Variants in DRC9 observed in about 807,000 individuals in gnomAD.
DRC9 encodes dynein regulatory complex protein 9.
the DRC9 span, among the ~76,000 whole-genome samples, chr3:197,942,868 G>A: frequency 1.3e-5 from 2 of 149,900 alleles, no homozygotes; most frequent in Non-Finnish European, 3.0e-5. Context: ...AGACACTCCT[G>A]GGCAACAAGA....
the DRC9 span, chr3:197,892,556 C>A: frequency 6.8e-7 from 1 of 1,467,348 alleles, no homozygotes; most frequent in Non-Finnish European, 9.3e-7. Flanking sequence ...CTAATTCCTT[C>A]CACTCCCTCC....
chr3:197,955,571 T>C, the DRC9 span, among the ~76,000 whole-genome samples: 1,560 of 152,232 alleles, frequency 0.01, 13 homozygotes, highest in Non-Finnish European at 0.017. Flanking sequence ...CAGTACATGT[T>C]TTTTATGAGT....
chr3:197,917,555 A>T, the DRC9 span, among the ~76,000 whole-genome samples: 1 of 152,190 alleles, frequency 6.6e-6, no homozygotes, highest in African/African-American at 2.4e-5. Context: ...ACTGGACCTC[A>T]CTAAGCCTAT....
the DRC9 span, chr3:197,954,268 AT>A: frequency 1.1e-6 from 1 of 939,468 alleles, no homozygotes; most frequent in Non-Finnish European, 1.7e-6. Context: ...ATGCTGCAAA[AT>A]TTGTGTATTG....
chr3:197,953,766 T>C, the DRC9 span: 2 of 588,862 alleles, frequency 3.4e-6, no homozygotes, highest in South Asian at 4.0e-5. Flanking sequence ...TTCCTTAAAC[T>C]TACTTGGTTA....
At chr3:197,947,928 CTTTTTTTTTTTTTT>C in the DRC9 span, among the ~76,000 whole-genome samples, 1 of 96,770 alleles carries the variant, frequency 1.0e-5, no homozygotes, top group Non-Finnish European at 2.0e-5. Flanking sequence ...CCTGCTTTAC[CTTTTTTTTTTTTTT>C]TTTTTTTTTT....
At chr3:197,914,453 C>A in the DRC9 span, among the ~76,000 whole-genome samples, 20 of 152,332 alleles carry the variant, frequency 1.3e-4, no homozygotes, top group South Asian at 4.1e-3. Context: ...CATACAAACA[C>A]CCAACCTGCC....
At chr3:197,919,318 G>A in the DRC9 span, among the ~76,000 whole-genome samples, 1 of 152,156 alleles carries the variant, frequency 6.6e-6, no homozygotes, top group Non-Finnish European at 1.5e-5. Flanking sequence ...AACCAAGATC[G>A]AGGCATACTA....
the DRC9 span, among the ~76,000 whole-genome samples, chr3:197,899,864 G>A: frequency 2.0e-5 from 3 of 152,140 alleles, no homozygotes; most frequent in African/African-American, 7.2e-5. Context: ...GCTGAAAGAG[G>A]CACTGAAGAG....
chr3:197,939,539 G>T, the DRC9 span, among the ~76,000 whole-genome samples: 1 of 152,214 alleles, frequency 6.6e-6, no homozygotes, highest in African/African-American at 2.4e-5. Flanking sequence ...CTAAAAGCTT[G>T]AGCCACTGAG....
chr3:197,947,020 A>G, the DRC9 span, among the ~76,000 whole-genome samples: 1 of 152,182 alleles, frequency 6.6e-6, no homozygotes, highest in African/African-American at 2.4e-5. Flanking sequence ...CATGTTGGCC[A>G]GGCTGGTCTC....
the DRC9 span, chr3:197,960,084 C>A: frequency 1.4e-6 from 1 of 705,252 alleles, no homozygotes; most frequent in Non-Finnish European, 2.3e-6. Context: ...GACGTGATCG[C>A]CGCCCTCATC....
At chr3:197,922,384 C>G in the DRC9 span, among the ~76,000 whole-genome samples, 1 of 152,044 alleles carries the variant, frequency 6.6e-6, no homozygotes, top group African/African-American at 2.4e-5. Context: ...TTTGACATTG[C>G]TTTGGAGGGC....
At chr3:197,933,217 A>C in the DRC9 span, among the ~76,000 whole-genome samples, 4 of 151,600 alleles carry the variant, frequency 2.6e-5, no homozygotes, top group East Asian at 7.7e-4. Context: ...TAATCCCAGC[A>C]CTTTGGGAGG....
At chr3:197,946,509 C>T in the DRC9 span, among the ~76,000 whole-genome samples, 1 of 151,648 alleles carries the variant, frequency 6.6e-6, no homozygotes, top group Non-Finnish European at 1.5e-5. Flanking sequence ...AAGATGTTAC[C>T]CCTCCTCAGT....
At chr3:197,905,385 T>C in the DRC9 span, among the ~76,000 whole-genome samples, 1 of 152,048 alleles carries the variant, frequency 6.6e-6, no homozygotes, top group East Asian at 1.9e-4. Flanking sequence ...AATTAAAAAT[T>C]AGAAAAAGAA....
chr3:197,931,924 C>T, the DRC9 span, among the ~76,000 whole-genome samples: 2 of 151,960 alleles, frequency 1.3e-5, no homozygotes, highest in African/African-American at 4.8e-5. Flanking sequence ...CGCGCCCGGC[C>T]GAATTCAATC....
At chr3:197,914,174 A>G in the DRC9 span, 2 of 762,810 alleles carry the variant, frequency 2.6e-6, no homozygotes, top group Middle Eastern at 2.6e-4. Context: ...CTGTCACACA[A>G]TGGGAAATTT....
the DRC9 span, chr3:197,960,162 C>A: frequency 4.9e-6 from 7 of 1,440,646 alleles, no homozygotes; most frequent in Admixed American, 2.2e-5. Flanking sequence ...GCTGGGCCCT[C>A]CGTCTACCCC....
Sources: gnomAD v4.1 joint callset for allele counts (sites outside exome capture counted in the v4.1 genomes callset) on GRCh38, gnomAD v4.1.1 for gene constraint, MANE v1.5 for transcripts, NCBI Gene and HGNC (gene_info 2026-07-23, HGNC 2026-07-21) for gene names.